Variants in RALGAPA2 observed in about 807,000 individuals in gnomAD.
RALGAPA2 encodes the protein Ral GTPase activating protein catalytic subunit alpha 2.
A neutral mutation model predicts 230.4 loss-of-function variants in RALGAPA2; 139 were observed. The observed-to-expected ratio is 0.60, with a 90% confidence interval of 0.53 to 0.69. The LOEUF is 0.69. Ranked by LOEUF, RALGAPA2 falls within the 30% of genes least tolerant of loss-of-function variation. The probability of loss-of-function intolerance (pLI) is 0.00; values close to 1 mark genes in which losing one functional copy is unlikely to be tolerated. For synonymous variants in RALGAPA2, 847 were observed against 837.8 expected (o/e 1.01, Z -0.19); for missense variants, 2,163 against 2,276.0 (o/e 0.95, Z 1.01).
Position 20,503,511 on chromosome 20 carries a change from CA to C in RALGAPA2, c.5053-6del. ...ACAGTGGGTGGAGAGATCCACCTGA[CA>C]AAGGTCACAAAGAAGAAAGAGTGAG... On this transcript the variant is annotated splice_polypyrimidine_tract_variant and splice_region_variant and intron_variant, in intron 34 of 39. Transcript: ENST00000202677. 1.3e-6 allele frequency: 2 copies of C among 1,541,290 alleles called. No homozygotes were observed. The highest frequency in any genetic ancestry group is 8.7e-7 in the Non-Finnish European group (1 of 1,143,976).
intron 34 of RALGAPA2, among the ~76,000 whole-genome samples, chr20:20,504,792 ACTC>A (rs997890090): frequency 7.9e-5 from 12 of 151,266 alleles, no homozygotes; most frequent in African/African-American, 2.9e-4. Context: ...CATTTTAACT[ACTC>A]CTAATTCTTT....
intron 2 of RALGAPA2, among the ~76,000 whole-genome samples, chr20:20,678,493 A>G (rs926136135): frequency 1.3e-5 from 2 of 150,956 alleles, no homozygotes; most frequent in South Asian, 2.1e-4. Flanking sequence ...CTCCACCTCA[A>G]AATGTCTCCA....
At chr20:20,624,537 G>A (rs2066431072) in intron 10 of RALGAPA2, among the ~76,000 whole-genome samples, 1 of 151,948 alleles carries the variant, frequency 6.6e-6, no homozygotes, top group African/African-American at 2.4e-5. Flanking sequence ...CTGTACATTA[G>A]GATTCTGAAA....
In RALGAPA2 at chr20:20,624,767, A is replaced by C. The variant is rs376018635; in HGVS notation, c.1234-4137T>G. ...AGTTTAGACAAATCTTTCAGCAATT[A>C]ATACTTCTTATGGTAAAGAAATATT... On this transcript the variant is annotated intron_variant, in intron 10 of 39. Coordinates refer to ENST00000202677, the MANE Select transcript of RALGAPA2 (RefSeq NM_020343.4). Among the ~76,000 whole-genome samples, 5 of 152,330 alleles carry C rather than the reference A, an allele frequency of 3.3e-5. No homozygotes were observed. In the East Asian group the frequency reaches 7.7e-4, roughly 24 times the overall value.
intron 23 of RALGAPA2, among the ~76,000 whole-genome samples, chr20:20,565,948 G>T (rs1219820631): frequency 6.6e-6 from 1 of 152,170 alleles, no homozygotes; most frequent in Non-Finnish European, 1.5e-5. Context: ...GTGTTAGATG[G>T]TCTGGAGAAT....
intron 38 of RALGAPA2, among the ~76,000 whole-genome samples, chr20:20,410,426 TAAAC>T (rs111589594): frequency 1.3e-5 from 2 of 152,282 alleles, no homozygotes; most frequent in African/African-American, 4.8e-5. Flanking sequence ...TCTCAAGAGT[TAAAC>T]AAACAAACAA....
At chr20:20,679,351 C>T (rs1041561053) in intron 2 of RALGAPA2, among the ~76,000 whole-genome samples, 6 of 152,168 alleles carry the variant, frequency 3.9e-5, no homozygotes, top group African/African-American at 9.7e-5. Context: ...CACTGAGACA[C>T]AACACTTTTC....
intron 20 of RALGAPA2, among the ~76,000 whole-genome samples, chr20:20,574,820 T>C (rs2064768208): frequency 6.6e-6 from 1 of 152,158 alleles, no homozygotes; most frequent in Non-Finnish European, 1.5e-5. Flanking sequence ...GCTCAGTTTT[T>C]AAATTCTGGA....
intron 20 of RALGAPA2, among the ~76,000 whole-genome samples, chr20:20,574,254 G>A (rs1434639171): frequency 1.3e-5 from 2 of 152,186 alleles, no homozygotes; most frequent in Admixed American, 1.3e-4. Flanking sequence ...TGTGCAAATG[G>A]GCTGTGCAGC....
At chr20:20,611,550 TA>T (rs1045668243) in intron 13 of RALGAPA2, 124 bp from the exon 14 acceptor site, 99 of 1,398,030 alleles carry the variant, frequency 7.1e-5, no homozygotes, top group Non-Finnish European at 8.9e-5. Flanking sequence ...TCGAAACTAT[TA>T]AAGTCCAGAT....
Position 20,512,997 on chromosome 20 carries a change from C to T in RALGAPA2, c.4372G>A (p.Asp1458Asn), listed in dbSNP as rs891086446. Residue 1458 changes from aspartate to asparagine, a missense_variant, in exon 32 of 40, where the codon GAT (aspartate) becomes AAT (asparagine). Asp to Asn is a conservative substitution (Grantham distance 23). Coordinates refer to ENST00000202677, the MANE Select transcript of RALGAPA2 (RefSeq NM_020343.4). Reference sequence around the variant, plus strand: ...ATATCCCTCACAATTACTCTCACATCAGAGAGAGAGCCCACTGGTGATCCC... The same window carrying T: ...ATATCCCTCACAATTACTCTCACATTAGAGAGAGAGCCCACTGGTGATCCC... ...VGGSPVGSLS[D>N]VRVIVRDISG... is the part of the protein sequence containing the mutation. 4 of 1,613,554 alleles carry T rather than the reference C, an allele frequency of 2.5e-6. No homozygotes were observed. The highest frequency in any genetic ancestry group is 1.7e-5 in the Admixed American group (1 of 59,982).
At chr20:20,399,327 G>A (rs1416531038) in intron 38 of RALGAPA2, among the ~76,000 whole-genome samples, 3 of 134,902 alleles carry the variant, frequency 2.2e-5, no homozygotes, top group Non-Finnish European at 4.7e-5. Flanking sequence ...CTGGGCAATA[G>A]AGCGAAACTC....
At chr20:20,588,785 T>C (rs2065203962) in intron 18 of RALGAPA2, among the ~76,000 whole-genome samples, 1 of 152,212 alleles carries the variant, frequency 6.6e-6, no homozygotes, top group Admixed American at 6.5e-5. Context: ...AGGGGTTATC[T>C]GCATGAATGA....
At chr20:20,676,392 T>C in intron 2 of RALGAPA2, 104 bp from the exon 3 acceptor site, 1 of 697,228 alleles carries the variant, frequency 1.4e-6, no homozygotes, top group Non-Finnish European at 2.4e-6. Context: ...TCAACATACA[T>C]TCATTTATTC....
intron 3 of RALGAPA2, among the ~76,000 whole-genome samples, chr20:20,673,346 C>CACT (rs149021982): frequency 0.011 from 1,701 of 151,528 alleles, 32 homozygotes; most frequent in African/African-American, 0.039. Flanking sequence ...GTGGCACAAA[C>CACT]ACTACTACTA....
intron 37 of RALGAPA2, among the ~76,000 whole-genome samples, chr20:20,445,816 A>C (rs2060848094): frequency 6.6e-6 from 1 of 152,228 alleles, no homozygotes; most frequent in African/African-American, 2.4e-5. Flanking sequence ...TTAAAAAGAA[A>C]AACTGGCAAA....
intron 2 of RALGAPA2, among the ~76,000 whole-genome samples, chr20:20,678,690 C>G (rs940438191): frequency 1.4e-4 from 21 of 152,154 alleles, no homozygotes; most frequent in African/African-American, 4.8e-4. Context: ...TCCTCAATAA[C>G]CTTCCCGTGA....
At position 20,626,884 on chromosome 20, in the gene RALGAPA2, C is replaced by T. The variant is rs371017698; in HGVS notation, c.1233+2479G>A. 4.4e-4 allele frequency among the ~76,000 whole-genome samples: 67 copies of T among 152,276 alleles called. No individual in the cohort carries two copies. The South Asian group carries it at 8.3e-3, about 19-fold the overall frequency. The stretch of plus-strand genomic sequence containing the variant: ...GTTTAGCCCCTGTGACAGAGACGTA[C>T]GATCCACGAGGCCTAAAATATTTAC... On this transcript the variant is annotated intron_variant, in intron 10 of 39. Transcript: ENST00000202677.
chr20:20,443,340 A>AT (rs1569404939), intron 37 of RALGAPA2, among the ~76,000 whole-genome samples: 1 of 152,180 alleles, frequency 6.6e-6, no homozygotes, highest in Non-Finnish European at 1.5e-5. Flanking sequence ...CCAGTGAATG[A>AT]ATGGCTTCAA....
Sources: allele counts gnomAD v4.1 joint callset (sites outside exome capture counted in the v4.1 genomes callset), GRCh38; gene constraint gnomAD v4.1.1; transcripts MANE v1.5; gene names NCBI Gene and HGNC (gene_info 2026-07-23, HGNC 2026-07-21).